BTBD9: variants seen among roughly 807,000 people sequenced by gnomAD.
BTBD9 encodes the protein BTB domain containing 9.
In BTBD9, 49 loss-of-function variants were observed where a neutral mutation model predicts 64.3. That is an observed-to-expected ratio of 0.76 (90% CI 0.61 to 0.97). The LOEUF (loss-of-function observed/expected upper bound fraction) is 0.97. Ranked by LOEUF, BTBD9 falls within the 50% of genes least tolerant of loss-of-function variation. BTBD9 has a pLI of 0.00. For missense variants in BTBD9, 598 were observed against 762.1 expected, an observed-to-expected ratio of 0.78 and a Z score of 2.53; for synonymous variants, 260 against 274.7, an observed-to-expected ratio of 0.95 and a Z score of 0.53.
Position 38,249,001 on chromosome 6 carries a change from C to G in BTBD9, c.1562+7408G>C, listed in dbSNP as rs1425343267. Among the ~76,000 whole-genome samples, 3 of 152,200 alleles carry G rather than the reference C, an allele frequency of 2.0e-5. No individual in the cohort carries two copies. The East Asian group carries it at 5.8e-4, about 29-fold the overall frequency. On this transcript the variant is annotated intron_variant, in intron 9 of 10. Transcript: ENST00000481247. ...AGACTACCGAGGTGAAGAGAATATC[C>G]TAAAGGCTTCTATAGAGAAAAATAA...
At chr6:38,543,403 G>A (rs1259075009) in intron 6 of BTBD9, among the ~76,000 whole-genome samples, 1 of 152,174 alleles carries the variant, frequency 6.6e-6, no homozygotes, top group Non-Finnish European at 1.5e-5. Flanking sequence ...AAATGATGCA[G>A]GGACCATGAA....
At chr6:38,561,586 C>T (rs916126321) in intron 6 of BTBD9, among the ~76,000 whole-genome samples, 12 of 152,106 alleles carry the variant, frequency 7.9e-5, no homozygotes, top group Non-Finnish European at 1.3e-4. Flanking sequence ...AAATATGGTA[C>T]ATATACACCA....
chr6:38,332,547 C>T (rs1763720675), intron 7 of BTBD9, among the ~76,000 whole-genome samples: 1 of 152,218 alleles, frequency 6.6e-6, no homozygotes, highest in East Asian at 1.9e-4. Flanking sequence ...CTATGCAGCA[C>T]TAATTTTAAC....
intron 6 of BTBD9, among the ~76,000 whole-genome samples, chr6:38,565,200 C>T (rs1452575593): frequency 1.3e-5 from 2 of 152,172 alleles, no homozygotes; most frequent in Non-Finnish European, 2.9e-5. Flanking sequence ...ATTCAACCCC[C>T]CTTCACTAAT....
At chr6:38,448,386 T>C (rs1042080747) in intron 6 of BTBD9, among the ~76,000 whole-genome samples, 5 of 152,164 alleles carry the variant, frequency 3.3e-5, no homozygotes, top group African/African-American at 1.2e-4. Context: ...AGAGTAAAAT[T>C]AAACATGGAA....
At chr6:38,543,103 C>T (rs1774361179) in intron 6 of BTBD9, among the ~76,000 whole-genome samples, 1 of 152,236 alleles carries the variant, frequency 6.6e-6, no homozygotes, top group African/African-American at 2.4e-5. Context: ...TCTACCTGTA[C>T]AAGCCTTCTT....
At chr6:38,392,527 G>A (rs1327827649) in intron 6 of BTBD9, among the ~76,000 whole-genome samples, 1 of 140,678 alleles carries the variant, frequency 7.1e-6, no homozygotes, top group Admixed American at 7.1e-5. Context: ...CTATACCAAA[G>A]ACCTTGTTAG....
chr6:38,310,184 A>G (rs1344204352), intron 7 of BTBD9, among the ~76,000 whole-genome samples: 1 of 152,180 alleles, frequency 6.6e-6, no homozygotes, highest in East Asian at 1.9e-4. Context: ...TTCAGTATTG[A>G]GACTCCTTAA....
At chr6:38,214,766 A>G (rs1762957089) in intron 9 of BTBD9, among the ~76,000 whole-genome samples, 2 of 152,188 alleles carry the variant, frequency 1.3e-5, no homozygotes, top group African/African-American at 2.4e-5. Context: ...TCATGCCGTC[A>G]GGGCTAAGAT....
At chr6:38,483,702 A>G (rs1393817918) in intron 6 of BTBD9, among the ~76,000 whole-genome samples, 3 of 152,082 alleles carry the variant, frequency 2.0e-5, no homozygotes, top group South Asian at 2.1e-4. Context: ...CTGTTCCTCA[A>G]AAACCCCAAG....
chr6:38,517,216 G>T (rs1773071021), intron 6 of BTBD9, among the ~76,000 whole-genome samples: 1 of 152,208 alleles, frequency 6.6e-6, no homozygotes, highest in Middle Eastern at 3.2e-3. Context: ...GAGATTTCCA[G>T]ATCTGAGAAA....
intron 6 of BTBD9, among the ~76,000 whole-genome samples, chr6:38,445,596 T>C (rs994041247): frequency 1.3e-5 from 2 of 152,252 alleles, no homozygotes; most frequent in Non-Finnish European, 2.9e-5. Context: ...TCTATCTGTT[T>C]ATGAAACACA....
chr6:38,435,433 A>G (rs1768669964), intron 6 of BTBD9, among the ~76,000 whole-genome samples: 2 of 151,768 alleles, frequency 1.3e-5, no homozygotes, highest in Admixed American at 6.5e-5. Context: ...TGGGAGGCAC[A>G]GGTTGCAGTG....
chr6:38,573,486 A>C (rs946312183), intron 6 of BTBD9, among the ~76,000 whole-genome samples: 1 of 152,158 alleles, frequency 6.6e-6, no homozygotes, highest in African/African-American at 2.4e-5. Flanking sequence ...CCTTGTCTCC[A>C]GTAAACAACG....
intron 6 of BTBD9, among the ~76,000 whole-genome samples, chr6:38,378,078 G>T (rs1202427233): frequency 6.6e-6 from 1 of 151,774 alleles, no homozygotes; most frequent in Non-Finnish European, 1.5e-5. Context: ...ACTTCCCATG[G>T]CTCCGCCCCG....
At chr6:38,609,225 C>T (rs1344591486) in intron 1 of BTBD9, among the ~76,000 whole-genome samples, 1 of 152,128 alleles carries the variant, frequency 6.6e-6, no homozygotes, top group Non-Finnish European at 1.5e-5. Context: ...AAAAAACTAG[C>T]CAGGCATGGT....
chr6:38,226,141 C>G (rs958908154), intron 9 of BTBD9, among the ~76,000 whole-genome samples: 11 of 152,170 alleles, frequency 7.2e-5, no homozygotes, highest in Non-Finnish European at 1.0e-4. Context: ...TTGCTCCATC[C>G]ATAGGAATGT....
chr6:38,402,545 C>T (rs564681802), intron 6 of BTBD9, among the ~76,000 whole-genome samples: 109 of 152,202 alleles, frequency 7.2e-4, no homozygotes, highest in Non-Finnish European at 1.5e-3. Flanking sequence ...CTATGGCCAA[C>T]TGATTTTTGA....
intron 9 of BTBD9, among the ~76,000 whole-genome samples, chr6:38,221,923 G>C (rs959687475): frequency 1.3e-5 from 2 of 152,062 alleles, no homozygotes; most frequent in Non-Finnish European, 2.9e-5. Flanking sequence ...CCTGGGAGGC[G>C]GAGGTTGCAG....
Sources: allele counts gnomAD v4.1 joint callset (sites outside exome capture counted in the v4.1 genomes callset), GRCh38; gene constraint gnomAD v4.1.1; transcripts MANE v1.5; gene names NCBI Gene and HGNC (gene_info 2026-07-23, HGNC 2026-07-21).